FILIP1: variants seen among roughly 807,000 people sequenced by gnomAD.
FILIP1 encodes the protein filamin-A-interacting protein 1.
FILIP1 carries 61 observed loss-of-function variants against 102.1 expected under a neutral mutation model. That is an observed-to-expected ratio of 0.60 (90% CI 0.49 to 0.74). FILIP1 has a LOEUF of 0.74. Ranked by LOEUF, FILIP1 falls within the 30% of genes least tolerant of loss-of-function variation. The pLI, the probability that FILIP1 is intolerant of heterozygous loss-of-function variation, is 0.00. For synonymous variants in FILIP1, 491 were observed against 526.9 expected (o/e 0.93, Z 0.93); for missense variants, 1,314 against 1,441.2 (o/e 0.91, Z 1.43).
chr6:75,323,086 C>T (rs550805924), intron 4 of FILIP1, among the ~76,000 whole-genome samples: 11 of 152,238 alleles, frequency 7.2e-5, no homozygotes, highest in African/African-American at 2.6e-4. Context: ...AGTGTGGGCC[C>T]AGAAGTTTTT....
At chr6:75,491,958 C>T (rs1779971281) in intron 1 of FILIP1, among the ~76,000 whole-genome samples, 1 of 152,114 alleles carries the variant, frequency 6.6e-6, no homozygotes, top group Non-Finnish European at 1.5e-5. Flanking sequence ...TTTAAGTCAA[C>T]AATGTGACCC....
At chr6:75,427,881 G>A (rs1258430362) in intron 1 of FILIP1, among the ~76,000 whole-genome samples, 2 of 152,080 alleles carry the variant, frequency 1.3e-5, no homozygotes, top group African/African-American at 2.4e-5. Context: ...TAAATCACAT[G>A]GCAGCATGAC....
intron 1 of FILIP1, among the ~76,000 whole-genome samples, chr6:75,466,335 C>T (rs574927321): frequency 2.0e-5 from 3 of 152,324 alleles, no homozygotes; most frequent in Middle Eastern, 6.8e-3. Context: ...TTGGTCTGTT[C>T]ACTTTCCTGA....
chr6:75,479,182 T>G (rs1779575664), intron 1 of FILIP1, among the ~76,000 whole-genome samples: 1 of 152,168 alleles, frequency 6.6e-6, no homozygotes, highest in Non-Finnish European at 1.5e-5. Flanking sequence ...GTCTGCCAAA[T>G]TTTTACAAGT....
At chr6:75,401,349 T>A (rs1224668721) in intron 2 of FILIP1, among the ~76,000 whole-genome samples, 1 of 152,142 alleles carries the variant, frequency 6.6e-6, no homozygotes, top group Admixed American at 6.6e-5. Flanking sequence ...GTTTTCTTCT[T>A]TGGCCAGGTC....
At chr6:75,427,575 T>G (rs1777668160) in intron 1 of FILIP1, among the ~76,000 whole-genome samples, 1 of 152,182 alleles carries the variant, frequency 6.6e-6, no homozygotes, top group South Asian at 2.1e-4. Flanking sequence ...GGACCTCTCA[T>G]TAAGAGGGAA....
intron 3 of FILIP1, chr6:75,362,161 A>G (rs891178805): frequency 6.6e-6 from 1 of 152,234 alleles, no homozygotes; most frequent in Non-Finnish European, 1.5e-5. Flanking sequence ...ACAATGTGAG[A>G]GTATTTTTAA....
Position 75,314,107 on chromosome 6 carries a change from C to T in FILIP1, c.1725G>A (p.Leu575=). ...CTTCTTCACTTTTCAATTTGCCTAT[C>T]AACTCATCTCTTTCTCTTGTCAAGT... The part of the protein sequence containing the change: ...VYNLTRERDE[L]IGKLKSEEEK... Residue 575 remains leucine, a synonymous_variant, in exon 5 of 6, where the codon TTG becomes TTA. Coordinates refer to ENST00000237172, the MANE Select transcript of FILIP1 (RefSeq NM_015687.5). The T allele has an allele frequency of 6.6e-7, 1 of 1,509,656 alleles. No individual in the cohort carries two copies. The highest frequency in any genetic ancestry group is 8.8e-7 in the Non-Finnish European group (1 of 1,137,862). 93.5% of individuals were successfully genotyped at this position (1,509,656 alleles called of 1,614,324 possible).
Position 75,313,074 on chromosome 6 carries a change from T to A in FILIP1, c.2758A>T (p.Asn920Tyr). The A allele has an allele frequency of 6.2e-7, 1 of 1,614,218 alleles. No individual in the cohort carries two copies. The highest frequency in any genetic ancestry group is 8.5e-7 in the Non-Finnish European group (1 of 1,180,032). Residue 920 changes from asparagine to tyrosine, a missense_variant, in exon 5 of 6, where the codon AAC becomes TAC. This residue lies in a region of FILIP1 where 816 missense variants were observed against 913.1 expected (regional missense o/e 0.89). Transcript: ENST00000237172. The surrounding 1 kb of genome is among the most constrained non-coding windows in gnomAD (Gnocchi z 4.2). The stretch of plus-strand genomic sequence containing the variant: ...GTTATCTCCAAAGTCGCAGTGCTGT[T>A]CTCGTGGTCTGGTGTCACTCGAATA... ...LHIRVTPDHENSTATLEITSP... is the reference protein window; with the variant it reads ...LHIRVTPDHEYSTATLEITSP...
Position 75,314,116 on chromosome 6 carries a change from T to C in FILIP1, c.1716A>G (p.Arg572=), listed in dbSNP as rs372010411. ...EEKVYNLTRE[R]DELIGKLKSE... Reference sequence around the variant, plus strand: ...TTTTCAATTTGCCTATCAACTCATCTCTTTCTCTTGTCAAGTTGTATACTT... The same window carrying C: ...TTTTCAATTTGCCTATCAACTCATCCCTTTCTCTTGTCAAGTTGTATACTT... Residue 572 remains arginine, a synonymous_variant, in exon 5 of 6, where the codon AGA becomes AGG. Transcript: ENST00000237172. 4.0e-6 allele frequency: 6 copies of C among 1,513,104 alleles called. No individual in the cohort carries two copies. Among genetic ancestry groups the C allele is most frequent in the Non-Finnish European group, 5.3e-6 (6 of 1,139,960 alleles). The allele number at this position is 1,513,104 out of a possible 1,614,324, so 93.7% of individuals were successfully genotyped here.
At chr6:75,337,075 T>TA (rs1774266265) in intron 4 of FILIP1, among the ~76,000 whole-genome samples, 1 of 152,184 alleles carries the variant, frequency 6.6e-6, no homozygotes. Flanking sequence ...GGCATTGTCT[T>TA]AGACACTGGT....
intron 1 of FILIP1, among the ~76,000 whole-genome samples, chr6:75,456,748 C>T (rs573222761): frequency 2.6e-5 from 4 of 151,954 alleles, no homozygotes; most frequent in South Asian, 4.2e-4. Context: ...TTAGTAGAGA[C>T]GGGGTTTCAC....
chr6:75,301,528 C>T (rs1446888881), intron 6 of FILIP1, among the ~76,000 whole-genome samples: 1 of 152,056 alleles, frequency 6.6e-6, no homozygotes, highest in Non-Finnish European at 1.5e-5. Context: ...TATTTCAGTT[C>T]TAACCAGCTC....
At chr6:75,345,078 C>T (rs1416140779) in intron 4 of FILIP1, among the ~76,000 whole-genome samples, 1 of 152,134 alleles carries the variant, frequency 6.6e-6, no homozygotes, top group Non-Finnish European at 1.5e-5. Context: ...TGTTGCTTTT[C>T]TTAGGACTTT....
chr6:75,460,353 A>T (rs1425647001), intron 1 of FILIP1, among the ~76,000 whole-genome samples: 1 of 152,234 alleles, frequency 6.6e-6, no homozygotes, highest in East Asian at 1.9e-4. Context: ...TTCTAAAGGT[A>T]TTCGGCTCTT....
chr6:75,479,244 C>G (rs1246467502), intron 1 of FILIP1, among the ~76,000 whole-genome samples: 2 of 152,124 alleles, frequency 1.3e-5, no homozygotes, highest in Admixed American at 6.5e-5. Context: ...CTCTCAAAAG[C>G]ACTGCATGTG....
At chr6:75,362,981 A>T in intron 2 of FILIP1, 64 bp from the exon 3 acceptor site, 2 of 1,511,126 alleles carry the variant, frequency 1.3e-6, no homozygotes, top group South Asian at 1.1e-5. Flanking sequence ...GGGCTCAAAA[A>T]ATCAACAGAG....
downstream of FILIP1, among the ~76,000 whole-genome samples, chr6:75,306,549 C>T (rs993638197): frequency 1.3e-5 from 2 of 152,166 alleles, no homozygotes; most frequent in African/African-American, 4.8e-5. Flanking sequence ...CAGTGAATGT[C>T]TTCATTTTTG....
intron 1 of FILIP1, among the ~76,000 whole-genome samples, chr6:75,416,713 T>C (rs1282768705): frequency 5.3e-5 from 8 of 152,172 alleles, no homozygotes; most frequent in Non-Finnish European, 1.2e-4. Context: ...TCATACCACA[T>C]GTGAATTCTT....
Sources: allele counts gnomAD v4.1 joint callset (sites outside exome capture counted in the v4.1 genomes callset), GRCh38; gene constraint gnomAD v4.1.1; regional missense constraint gnomAD v4.1.1; non-coding constraint Gnocchi (gnomAD v3.1); transcripts MANE v1.5; gene names NCBI Gene and HGNC (gene_info 2026-07-23, HGNC 2026-07-21).